The following ENOX1 variants were observed in gnomAD, a reference collection of about 807,000 sequenced individuals.
The protein encoded by ENOX1 is ecto-NOX disulfide-thiol exchanger 1.
In ENOX1, 42 loss-of-function variants were observed where a neutral mutation model predicts 82.5. The observed-to-expected ratio is 0.51, with a 90% CI of 0.40 to 0.66. The LOEUF (loss-of-function observed/expected upper bound fraction) is 0.66. Among genes scored for constraint, ENOX1 ranks in the 30% least tolerant of loss-of-function variants. The pLI, the probability that ENOX1 is intolerant of heterozygous loss-of-function variation, is 0.00. For synonymous variants in ENOX1, 271 were observed against 282.2 expected (o/e 0.96, Z 0.40); for missense variants, 608 against 811.6 (o/e 0.75, Z 3.05).
chr13:43,231,661 A>G (rs1022844893), intron 15 of ENOX1, among the ~76,000 whole-genome samples: 12 of 152,352 alleles, frequency 7.9e-5, no homozygotes, highest in African/African-American at 2.4e-4. Context: ...CTTTAGGACT[A>G]GCTCAGCTGT....
intron 1 of ENOX1, among the ~76,000 whole-genome samples, chr13:43,774,699 A>C (rs557790793): frequency 6.6e-6 from 1 of 152,292 alleles, no homozygotes; most frequent in Non-Finnish European, 1.5e-5. Context: ...ATGGCCTTAC[A>C]GACAGGTTCC....
intron 2 of ENOX1, chr13:43,543,892 A>G (rs1210469708): frequency 1.4e-5 from 2 of 144,916 alleles, no homozygotes; most frequent in Non-Finnish European, 1.5e-5. Context: ...TCCCATCTAC[A>G]TTATTGTCTT....
At chr13:43,488,781 T>C (rs1472769817) in intron 2 of ENOX1, among the ~76,000 whole-genome samples, 2 of 152,206 alleles carry the variant, frequency 1.3e-5, no homozygotes, top group South Asian at 2.1e-4. Context: ...GATTATTCTG[T>C]TGAGATCTCA....
chr13:43,521,396 A>G (rs2077762513), intron 2 of ENOX1, among the ~76,000 whole-genome samples: 1 of 152,080 alleles, frequency 6.6e-6, no homozygotes, highest in South Asian at 2.1e-4. Context: ...TATTATCCAA[A>G]GACTGATATC....
intron 2 of ENOX1, among the ~76,000 whole-genome samples, chr13:43,587,610 C>T (rs2081055016): frequency 6.6e-6 from 1 of 152,088 alleles, no homozygotes; most frequent in Admixed American, 6.5e-5. Flanking sequence ...TATATTTTTT[C>T]TGGAATAATA....
At chr13:43,593,972 A>G (rs1265855206) in intron 2 of ENOX1, among the ~76,000 whole-genome samples, 1 of 152,012 alleles carries the variant, frequency 6.6e-6, no homozygotes, top group African/African-American at 2.4e-5. Flanking sequence ...GGTCAGGGAG[A>G]TGTGCTCCTA....
chr13:43,534,133 G>A (rs529256171), intron 2 of ENOX1, among the ~76,000 whole-genome samples: 81 of 142,932 alleles, frequency 5.7e-4, no homozygotes, highest in African/African-American at 1.8e-3. Context: ...CCTTTCCGTT[G>A]TATGAGTCCA....
intron 3 of ENOX1, among the ~76,000 whole-genome samples, chr13:43,477,996 A>G (rs1313995670): frequency 6.7e-6 from 1 of 149,172 alleles, no homozygotes; most frequent in Non-Finnish European, 1.5e-5. Flanking sequence ...ACCTACTAAC[A>G]TTTTATTAAT....
chr13:43,235,013 C>T (rs2042461624), intron 15 of ENOX1, among the ~76,000 whole-genome samples: 1 of 152,200 alleles, frequency 6.6e-6, no homozygotes, highest in Non-Finnish European at 1.5e-5. Context: ...GAAAAGTTTA[C>T]TGCAGATCAT....
At chr13:43,511,735 G>C (rs2077376315) in intron 2 of ENOX1, among the ~76,000 whole-genome samples, 1 of 152,090 alleles carries the variant, frequency 6.6e-6, no homozygotes, top group African/African-American at 2.4e-5. Context: ...GGAAATGTTA[G>C]ACCATTGGTC....
At chr13:43,704,016 T>C (rs1016555791) in intron 1 of ENOX1, among the ~76,000 whole-genome samples, 1 of 151,934 alleles carries the variant, frequency 6.6e-6, no homozygotes, top group Non-Finnish European at 1.5e-5. Context: ...AGAATAGGTA[T>C]GCCATTGTAT....
intron 1 of ENOX1, among the ~76,000 whole-genome samples, chr13:43,778,488 AG>A: frequency 6.6e-6 from 1 of 152,308 alleles, no homozygotes; most frequent in South Asian, 2.1e-4. Flanking sequence ...GGAAAACAAC[AG>A]ATACAAATGC....
intron 2 of ENOX1, among the ~76,000 whole-genome samples, chr13:43,612,092 G>C (rs904516296): frequency 6.6e-6 from 1 of 152,148 alleles, no homozygotes; most frequent in African/African-American, 2.4e-5. Flanking sequence ...TTTGTTTTGT[G>C]GGTAGAGTTG....
intron 5 of ENOX1, among the ~76,000 whole-genome samples, chr13:43,391,430 T>C (rs2052767676): frequency 6.6e-6 from 1 of 152,110 alleles, no homozygotes; most frequent in African/African-American, 2.4e-5. Context: ...ACCCATCTCT[T>C]ACTCCAGACC....
intron 2 of ENOX1, among the ~76,000 whole-genome samples, chr13:43,560,862 G>C (rs1021699227): frequency 3.9e-5 from 6 of 152,150 alleles, no homozygotes; most frequent in South Asian, 2.1e-4. Flanking sequence ...CTGAGTTTCA[G>C]ATCATCTCAG....
chr13:43,452,547 G>A (rs541547457), intron 3 of ENOX1, among the ~76,000 whole-genome samples: 1 of 152,220 alleles, frequency 6.6e-6, no homozygotes, highest in East Asian at 1.9e-4. Context: ...TTTTGAGACG[G>A]AGTCTCTCTC....
chr13:43,373,448 G>A (rs949237615), intron 5 of ENOX1, among the ~76,000 whole-genome samples: 1 of 152,082 alleles, frequency 6.6e-6, no homozygotes, highest in African/African-American at 2.4e-5. Context: ...ATTAGGTGTT[G>A]TACCCGACAC....
intron 2 of ENOX1, among the ~76,000 whole-genome samples, chr13:43,638,207 T>C (rs1383083439): frequency 6.6e-6 from 1 of 152,140 alleles, no homozygotes; most frequent in African/African-American, 2.4e-5. Flanking sequence ...CAGGAAGGGA[T>C]AGGAATTAAT....
intron 5 of ENOX1, among the ~76,000 whole-genome samples, chr13:43,363,707 T>C (rs2050670212): frequency 6.6e-6 from 1 of 152,168 alleles, no homozygotes; most frequent in South Asian, 2.1e-4. Context: ...AACCCTGAAA[T>C]GAGAGCCCTG....
Sources: allele counts gnomAD v4.1 joint callset (sites outside exome capture counted in the v4.1 genomes callset), GRCh38; gene constraint gnomAD v4.1.1; transcripts MANE v1.5; gene names NCBI Gene and HGNC (gene_info 2026-07-23, HGNC 2026-07-21).